The following EPHA6 variants were observed in gnomAD, a reference collection of about 807,000 sequenced individuals.
The protein encoded by EPHA6 is EPH receptor A6.
A neutral mutation model predicts 112.0 loss-of-function variants in EPHA6; 50 were observed. That is an observed-to-expected ratio of 0.45 (90% CI 0.36 to 0.56). The LOEUF is 0.56. Ranked by LOEUF, EPHA6 falls within the 20% of genes least tolerant of loss-of-function variation. The probability of loss-of-function intolerance (pLI) is 0.00; values close to 1 mark genes in which losing one functional copy is unlikely to be tolerated. For missense variants in EPHA6, 1,280 were observed against 1,417.4 expected (o/e 0.90, Z 1.56); for synonymous variants, 529 against 490.7 (o/e 1.08, Z -1.03).
chr3:97,551,478 C>A (rs896710415), intron 11 of EPHA6, among the ~76,000 whole-genome samples: 1 of 152,050 alleles, frequency 6.6e-6, no homozygotes, highest in African/African-American at 2.4e-5. Context: ...TTTCTCCTTT[C>A]ATTTACATGC....
At chr3:97,012,791 T>G (rs2107949476) in intron 3 of EPHA6, among the ~76,000 whole-genome samples, 1 of 151,904 alleles carries the variant, frequency 6.6e-6, no homozygotes, top group Admixed American at 6.6e-5. Context: ...TAATAGCCCT[T>G]CTGACTGATT....
At chr3:97,592,464 G>T in intron 11 of EPHA6, 148 bp from the exon 12 acceptor site, 2 of 822,882 alleles carry the variant, frequency 2.4e-6, no homozygotes. Flanking sequence ...TAAATTTATG[G>T]AGTAAAAAAT....
chr3:97,399,463 T>C (rs2086865186), intron 5 of EPHA6, among the ~76,000 whole-genome samples: 1 of 151,622 alleles, frequency 6.6e-6, no homozygotes, highest in Non-Finnish European at 1.5e-5. Flanking sequence ...AGTAGTAGGA[T>C]ATCTGGATCA....
chr3:97,242,510 G>T (rs1484031178), intron 4 of EPHA6, among the ~76,000 whole-genome samples: 2 of 151,820 alleles, frequency 1.3e-5, no homozygotes, highest in African/African-American at 2.4e-5. Flanking sequence ...CAAACATTAT[G>T]ATTTGAATTT....
intron 14 of EPHA6, among the ~76,000 whole-genome samples, chr3:97,655,721 A>T (rs898402101): frequency 2.3e-5 from 3 of 132,040 alleles, no homozygotes; most frequent in African/African-American, 8.7e-5. Context: ...ACATGGACAC[A>T]GGAAGTGGAA....
At chr3:97,693,034 G>A (rs1478779169) in intron 14 of EPHA6, among the ~76,000 whole-genome samples, 1 of 152,128 alleles carries the variant, frequency 6.6e-6, no homozygotes, top group Non-Finnish European at 1.5e-5. Flanking sequence ...GGACACGTGT[G>A]GTTGGTAAGT....
chr3:96,865,202 G>T (rs2107447655), intron 1 of EPHA6, among the ~76,000 whole-genome samples: 1 of 152,074 alleles, frequency 6.6e-6, no homozygotes, highest in African/African-American at 2.4e-5. Context: ...CAATACTAAA[G>T]GAATATTCTG....
chr3:96,824,557 A>G (rs1382506879), intron 1 of EPHA6, among the ~76,000 whole-genome samples: 1 of 152,040 alleles, frequency 6.6e-6, no homozygotes, highest in Non-Finnish European at 1.5e-5. Flanking sequence ...AAATATTTTG[A>G]CACCTATTAT....
At chr3:97,630,338 C>T (rs2093892285) in intron 13 of EPHA6, among the ~76,000 whole-genome samples, 1 of 151,770 alleles carries the variant, frequency 6.6e-6, no homozygotes, top group African/African-American at 2.4e-5. Flanking sequence ...AGAACTCAGA[C>T]AATTTTCAAT....
chr3:97,302,865 T>C (rs1319898362), intron 5 of EPHA6, among the ~76,000 whole-genome samples: 1 of 151,886 alleles, frequency 6.6e-6, no homozygotes, highest in Admixed American at 6.6e-5. Flanking sequence ...TTAGAAAAAT[T>C]AAGCAATTCA....
chr3:97,264,617 T>C (rs2108626734), intron 5 of EPHA6, among the ~76,000 whole-genome samples: 1 of 152,344 alleles, frequency 6.6e-6, no homozygotes, highest in South Asian at 2.1e-4. Flanking sequence ...AAGGGGCATG[T>C]TTCAGCCCAG....
intron 1 of EPHA6, among the ~76,000 whole-genome samples, chr3:96,854,221 C>T (rs1005214191): frequency 1.3e-5 from 2 of 148,666 alleles, no homozygotes; most frequent in Non-Finnish European, 3.0e-5. Context: ...GCTCTATCTC[C>T]CAGGCTGGAG....
intron 3 of EPHA6, among the ~76,000 whole-genome samples, chr3:97,157,098 G>A (rs949219456): frequency 1.3e-5 from 2 of 152,098 alleles, no homozygotes; most frequent in African/African-American, 2.4e-5. Context: ...CTCAGTATCT[G>A]TGAAGTAACC....
intron 12 of EPHA6, among the ~76,000 whole-genome samples, chr3:97,603,895 T>G (rs1485960895): frequency 6.6e-6 from 1 of 151,844 alleles, no homozygotes; most frequent in Non-Finnish European, 1.5e-5. Context: ...TTACTGACAC[T>G]AGTCATTTTA....
chr3:97,143,350 A>G lies in EPHA6; in HGVS notation c.1115-82914A>G, dbSNP rs113037731. 4.6e-3 allele frequency among the ~76,000 whole-genome samples: 695 copies of G among 151,840 alleles called. 5 individuals carry two copies. The highest frequency in any genetic ancestry group is 6.8e-3 in the Non-Finnish European group (457 of 67,696). On this transcript the variant is annotated intron_variant, in intron 3 of 17. Coordinates refer to ENST00000389672, the MANE Select transcript of EPHA6 (RefSeq NM_001080448.3). ...ATAAAAATAATAATAACAGAAAACT[A>G]TATGCATTATGTTCTCACAATTGTT...
At chr3:97,012,071 T>C (rs1003460937) in intron 3 of EPHA6, among the ~76,000 whole-genome samples, 1 of 152,164 alleles carries the variant, frequency 6.6e-6, no homozygotes, top group African/African-American at 2.4e-5. Flanking sequence ...GGTGGGCACC[T>C]AGGTTGATTC....
chr3:97,554,869 C>T (rs1275122281), intron 11 of EPHA6, among the ~76,000 whole-genome samples: 1 of 151,828 alleles, frequency 6.6e-6, no homozygotes, highest in Non-Finnish European at 1.5e-5. Context: ...GAGTGACTGC[C>T]CCTACCAGGG....
intron 6 of EPHA6, among the ~76,000 whole-genome samples, chr3:97,425,224 G>A (rs2089012363): frequency 6.6e-6 from 1 of 152,200 alleles, no homozygotes; most frequent in Non-Finnish European, 1.5e-5. Context: ...TACCCCACTG[G>A]GGACTCTGTG....
chr3:97,029,915 G>T (rs1216701431), intron 3 of EPHA6, among the ~76,000 whole-genome samples: 1 of 152,060 alleles, frequency 6.6e-6, no homozygotes, highest in African/African-American at 2.4e-5. Flanking sequence ...CAGTTGGTCA[G>T]ACTTTTGGAT....
Sources: allele counts gnomAD v4.1 joint callset (sites outside exome capture counted in the v4.1 genomes callset), GRCh38; gene constraint gnomAD v4.1.1; transcripts MANE v1.5; gene names NCBI Gene and HGNC (gene_info 2026-07-23, HGNC 2026-07-21).